Variants in PDE10A observed in about 807,000 individuals in gnomAD.
The protein encoded by PDE10A is phosphodiesterase 10A.
A neutral mutation model predicts 97.7 loss-of-function variants in PDE10A; 39 were observed. The ratio of observed to expected loss-of-function variants is 0.40; its 90% CI spans 0.31 to 0.52. PDE10A has a LOEUF of 0.52. Among genes scored for constraint, PDE10A ranks in the 20% least tolerant of loss-of-function variants. The pLI is 0.56. For synonymous variants in PDE10A, 371 were observed against 376.8 expected, an observed-to-expected ratio of 0.98 and a Z score of 0.18; for missense variants, 731 against 1,047.8, an observed-to-expected ratio of 0.70 and a Z score of 4.17.
chr6:165,953,267 A>G lies in PDE10A; in HGVS notation c.-615+34262T>C, dbSNP rs151042139. Among the ~76,000 whole-genome samples the G allele has an allele frequency of 4.1e-3, 622 of 152,326 alleles. 9 individuals are homozygous for G. The highest frequency in any genetic ancestry group is 0.014 in the African/African-American group (582 of 41,578). On this transcript the variant is annotated intron_variant, in intron 1 of 19. Transcript: ENST00000366882. ...AGTAATATTTATTACCAAAAGAAATAAAAGAAATTTGAGGGCTGTTTAATA... is the reference window on the plus strand; with the variant it reads ...AGTAATATTTATTACCAAAAGAAATGAAAGAAATTTGAGGGCTGTTTAATA...
At chr6:165,777,656 A>G (rs368148108) in intron 1 of PDE10A, among the ~76,000 whole-genome samples, 2 of 152,328 alleles carry the variant, frequency 1.3e-5, no homozygotes, top group African/African-American at 4.8e-5. Context: ...CTGAAGCCAA[A>G]TGGACAGATA....
intron 1 of PDE10A, among the ~76,000 whole-genome samples, chr6:165,932,534 C>A (rs1783169388): frequency 1.3e-5 from 2 of 152,128 alleles, no homozygotes; most frequent in African/African-American, 4.8e-5. Flanking sequence ...CAGGGTTTCA[C>A]CATATTGGTC....
chr6:165,462,243 G>A (rs935953011), intron 3 of PDE10A, among the ~76,000 whole-genome samples: 2 of 152,204 alleles, frequency 1.3e-5, no homozygotes, highest in African/African-American at 2.4e-5. Context: ...TAAAACAGCA[G>A]TTGCAAAAGG....
Position 165,924,133 on chromosome 6 carries a change from G to A in PDE10A, c.-615+63396C>T, listed in dbSNP as rs535348903. On this transcript the variant is annotated intron_variant, in intron 1 of 19. Coordinates refer to the PDE10A transcript ENST00000366882. ...AGATCTCCCCCTGTGGGTATAACTC[G>A]TTGTTTCCGTGTTGGATAGAAGATC... Among the ~76,000 whole-genome samples, 33 of 152,234 alleles carry A rather than the reference G, an allele frequency of 2.2e-4. 1 individual carries two copies. Among genetic ancestry groups the A allele is most frequent in the East Asian group, 7.7e-4 (4 of 5,174 alleles).
intron 1 of PDE10A, among the ~76,000 whole-genome samples, chr6:165,935,594 T>C (rs886510182): frequency 1.3e-5 from 2 of 152,198 alleles, no homozygotes; most frequent in African/African-American, 4.8e-5. Flanking sequence ...GGAGAGTGGA[T>C]ATGTTTGAGA....
In PDE10A at chr6:165,543,718, T is replaced by G. The variant is rs146184064; in HGVS notation, c.866-150A>C. 87 of 557,122 alleles carry G rather than the reference T, an allele frequency of 1.6e-4. No individual in the cohort carries two copies. The East Asian group carries it at 2.8e-3, about 18-fold the overall frequency. 34.5% of individuals were successfully genotyped at this position (557,122 alleles called of 1,614,324 possible). On this transcript the variant is annotated intron_variant, in intron 1 of 21. Coordinates refer to ENST00000539869, the MANE Select transcript of PDE10A (RefSeq NM_001385079.1). ...AAGAGCGGGAAGGGGAAGCTACTGC[T>G]TAGTGGGTACAGAGTTTCTACTGGG...
At chr6:165,868,195 TAAAATA>T (rs1191945500) in intron 1 of PDE10A, among the ~76,000 whole-genome samples, 2 of 151,718 alleles carry the variant, frequency 1.3e-5, no homozygotes, top group African/African-American at 4.8e-5. Context: ...CAAAATAGAC[TAAAATA>T]AAAATAAAAG....
intron 3 of PDE10A, among the ~76,000 whole-genome samples, chr6:165,465,530 G>A (rs1465123183): frequency 2.6e-5 from 4 of 152,088 alleles, no homozygotes; most frequent in Non-Finnish European, 4.4e-5. Context: ...TCCTTCTCAC[G>A]CTGCTATGAA....
At chr6:165,934,089 T>G (rs1783242127) in intron 1 of PDE10A, among the ~76,000 whole-genome samples, 1 of 151,014 alleles carries the variant, frequency 6.6e-6, no homozygotes, top group African/African-American at 2.4e-5. Context: ...GTTCAAGCAA[T>G]TCTCCTGCCT....
intron 1 of PDE10A, among the ~76,000 whole-genome samples, chr6:165,681,781 T>A (rs1340314311): frequency 6.6e-6 from 1 of 152,196 alleles, no homozygotes; most frequent in African/African-American, 2.4e-5. Context: ...ATGGGTTGGT[T>A]TTACAAACTG....
intron 1 of PDE10A, among the ~76,000 whole-genome samples, chr6:165,563,711 T>G (rs1176820778): frequency 6.6e-6 from 1 of 151,878 alleles, no homozygotes; most frequent in Non-Finnish European, 1.5e-5. Context: ...GCCAACATAG[T>G]GAAAACCTGT....
chr6:165,383,942 G>A (rs1304541805), intron 17 of PDE10A, among the ~76,000 whole-genome samples: 1 of 152,036 alleles, frequency 6.6e-6, no homozygotes, highest in Non-Finnish European at 1.5e-5. Context: ...CATGTAGAGA[G>A]AACCCGGCCA....
rs79090083 is a variant in PDE10A at position 165,815,050 on chromosome 6, G to A, written c.-615+172479C>T. ...AAAAAATGTCTATGATTTTAATTCC[G>A]GTTGCCTTTTCAAACAAAGCAATAA... On this transcript the variant is annotated intron_variant, in intron 1 of 19. Coordinates refer to the PDE10A transcript ENST00000366882. Among the ~76,000 whole-genome samples the A allele has an allele frequency of 5.8e-4, 88 of 152,174 alleles. 1 individual carries two copies. The East Asian group carries it at 0.015, about 25-fold the overall frequency.
chr6:165,900,691 A>G (rs74420601), intron 1 of PDE10A, among the ~76,000 whole-genome samples: 7,962 of 152,298 alleles, frequency 0.052, 293 homozygotes, highest in Middle Eastern at 0.13. Flanking sequence ...GGTTGGTAAC[A>G]GAAAAAGGAT....
intron 1 of PDE10A, among the ~76,000 whole-genome samples, chr6:165,897,636 C>T (rs117565364): frequency 3.3e-5 from 5 of 151,072 alleles, no homozygotes; most frequent in African/African-American, 1.2e-4. Flanking sequence ...GCCCCCCAGC[C>T]CCCCCACCTC....
intron 20 of PDE10A, among the ~76,000 whole-genome samples, 185 bp from the exon 21 acceptor site, chr6:165,336,396 TA>T (rs1781649700): frequency 6.6e-6 from 1 of 152,180 alleles, no homozygotes; most frequent in Admixed American, 6.5e-5. Context: ...TAAAATGCAT[TA>T]AAATGGATTC....
chr6:165,370,720 C>G (rs1490747577), intron 18 of PDE10A, among the ~76,000 whole-genome samples: 2 of 147,124 alleles, frequency 1.4e-5, no homozygotes, highest in Non-Finnish European at 3.0e-5. Flanking sequence ...AGCTCTGCAC[C>G]AAGCGGACCT....
intron 2 of PDE10A, among the ~76,000 whole-genome samples, chr6:165,500,661 C>T (rs988687326): frequency 3.3e-5 from 5 of 152,118 alleles, no homozygotes; most frequent in Non-Finnish European, 7.3e-5. Context: ...ATCCCCCAGC[C>T]AACACCCATA....
At chr6:165,847,998 C>CA (rs1780466293) in intron 1 of PDE10A, among the ~76,000 whole-genome samples, 1 of 151,942 alleles carries the variant, frequency 6.6e-6, no homozygotes, top group South Asian at 2.1e-4. Context: ...TGCCAGTTAG[C>CA]AAAAAATTCT....
Sources: allele counts gnomAD v4.1 joint callset (sites outside exome capture counted in the v4.1 genomes callset), GRCh38; gene constraint gnomAD v4.1.1; transcripts MANE v1.5; gene names NCBI Gene and HGNC (gene_info 2026-07-23, HGNC 2026-07-21).